MYO18B: variants seen among roughly 807,000 people sequenced by gnomAD.
The protein encoded by MYO18B is myosin XVIIIB.
In MYO18B, 204 loss-of-function variants were observed where a neutral mutation model predicts 273.0. That is an observed-to-expected ratio of 0.75 (90% confidence interval 0.67 to 0.84). The LOEUF is 0.84. Among genes scored for constraint, MYO18B ranks in the 40% least tolerant of loss-of-function variants. MYO18B has a pLI of 0.00. For missense variants in MYO18B, 3,212 were observed against 3,287.6 expected (o/e 0.98, Z 0.56); for synonymous variants, 1,330 against 1,305.7 (o/e 1.02, Z -0.40).
the MYO18B span, among the ~76,000 whole-genome samples, chr22:26,043,238 GT>G: frequency 0.016 from 2,420 of 151,850 alleles, 68 homozygotes; most frequent in African/African-American, 0.056. Context: ...TCAGTAGTTT[GT>G]TTTTTTTATT....
chr22:25,747,858 G>A (rs1392806231), intron 1 of MYO18B, among the ~76,000 whole-genome samples: 1 of 152,152 alleles, frequency 6.6e-6, no homozygotes, highest in Non-Finnish European at 1.5e-5. Flanking sequence ...CCGTGAAGTG[G>A]GTGAGAAAAA....
intron 34 of MYO18B, among the ~76,000 whole-genome samples, chr22:25,945,400 A>G (rs2092692323): frequency 6.6e-6 from 1 of 151,982 alleles, no homozygotes; most frequent in African/African-American, 2.4e-5. Context: ...GGCCAGCTTG[A>G]TTGTTCCCTG....
the MYO18B span, among the ~76,000 whole-genome samples, chr22:26,060,888 CAT>C: frequency 7.8e-5 from 8 of 102,150 alleles, no homozygotes; most frequent in Admixed American, 6.1e-4. Context: ...TACATATACA[CAT>C]ATACACACAT....
At chr22:25,991,556 C>T (rs1330800062) in intron 39 of MYO18B, among the ~76,000 whole-genome samples, 1 of 152,088 alleles carries the variant, frequency 6.6e-6, no homozygotes, top group Non-Finnish European at 1.5e-5. Context: ...AGAGATTTTC[C>T]CAAGAGTCCA....
chr22:25,968,999 G>T (rs1201381852), intron 39 of MYO18B, among the ~76,000 whole-genome samples: 1 of 152,120 alleles, frequency 6.6e-6, no homozygotes, highest in Non-Finnish European at 1.5e-5. Flanking sequence ...AGGTGCCCAG[G>T]CCTCTTCATT....
rs753134292 is a variant in MYO18B at position 25,777,635 on chromosome 22, A to C, written c.1922A>C (p.Gln641Pro). ...CCTGCCCACATTGGCTCCATGGCAC[A>C]GCGGGCATACTGGGCGCTGCTGAAC... ...GLPAHIGSMAQRAYWALLNQR... is the reference protein window; with the variant it reads ...GLPAHIGSMAPRAYWALLNQR... Residue 641 changes from glutamine to proline, a missense_variant, in exon 8 of 44, where the codon CAG becomes CCG. Gln to Pro is a moderately conservative substitution (Grantham distance 76). Coordinates refer to ENST00000335473, the MANE Select transcript of MYO18B (RefSeq NM_032608.7). The C allele has an allele frequency of 3.1e-6, 5 of 1,611,414 alleles. No individual in the cohort carries two copies. Among genetic ancestry groups the C allele is most frequent in the Non-Finnish European group, 4.2e-6 (5 of 1,178,686 alleles).
the MYO18B span, among the ~76,000 whole-genome samples, chr22:26,048,136 G>A: frequency 2.6e-5 from 4 of 152,100 alleles, no homozygotes; most frequent in South Asian, 2.1e-4. Flanking sequence ...TGCATCACAC[G>A]TTGTACTGTA....
At position 25,817,278 on chromosome 22, in the gene MYO18B, GTC is replaced by G. The variant is rs374508544; in HGVS notation, c.2522-6221_2522-6220del. 5.1e-4 allele frequency among the ~76,000 whole-genome samples: 70 copies of G among 138,574 alleles called. 1 individual carries two copies. The East Asian group carries it at 0.013, about 26-fold the overall frequency. 90.9% of individuals were successfully genotyped at this position (138,574 alleles called of 152,430 possible). ...TCTTCTTTTTCTTTTTCTTCTCTTT[GTC>G]TCTCTTTCTGTCTCTTTCTCTCTCT... On this transcript the variant is annotated intron_variant, in intron 12 of 43. Transcript: ENST00000335473.
the MYO18B span, among the ~76,000 whole-genome samples, chr22:26,057,760 A>G: frequency 5.3e-5 from 8 of 152,292 alleles, no homozygotes; most frequent in Admixed American, 3.3e-4. Flanking sequence ...GAGGGCTAGA[A>G]ACTTGCTCAG....
intron 18 of MYO18B, among the ~76,000 whole-genome samples, chr22:25,845,532 A>G (rs1301945737): frequency 2.0e-5 from 3 of 152,100 alleles, no homozygotes; most frequent in Admixed American, 6.5e-5. Flanking sequence ...ACCAACAACA[A>G]CAACAACAAA....
In MYO18B at chr22:26,002,709, A is replaced by G. The variant is rs139541741; in HGVS notation, c.6288-556A>G. 7.5e-4 allele frequency among the ~76,000 whole-genome samples: 114 copies of G among 152,304 alleles called. 1 individual carries two copies. Among genetic ancestry groups the G allele is most frequent in the African/African-American group, 2.6e-3 (109 of 41,568 alleles). ...CAAAAGCTGTGTGACTTAGACAAGT[A>G]TGTCAGGTTCCTAATCTCTAAAATG... On this transcript the variant is annotated intron_variant, in intron 40 of 43. Coordinates refer to ENST00000335473, the MANE Select transcript of MYO18B (RefSeq NM_032608.7).
intron 43 of MYO18B, among the ~76,000 whole-genome samples, chr22:26,029,189 C>T (rs953631401): frequency 1.3e-5 from 2 of 152,142 alleles, no homozygotes; most frequent in African/African-American, 4.8e-5. Flanking sequence ...TATGAGCCTT[C>T]GTAAATCTCC....
At chr22:25,800,462 A>G (rs1229349953) in intron 12 of MYO18B, among the ~76,000 whole-genome samples, 1 of 152,232 alleles carries the variant, frequency 6.6e-6, no homozygotes. Flanking sequence ...AGACCCTTAG[A>G]CAGAGATGTG....
chr22:25,979,754 C>A (rs1170937969), intron 39 of MYO18B, among the ~76,000 whole-genome samples: 1 of 152,078 alleles, frequency 6.6e-6, no homozygotes, highest in Non-Finnish European at 1.5e-5. Flanking sequence ...CTGAAAAACC[C>A]AAGGTAGAGT....
intron 39 of MYO18B, among the ~76,000 whole-genome samples, chr22:25,974,847 G>A (rs779791704): frequency 1.3e-5 from 2 of 152,206 alleles, no homozygotes; most frequent in Non-Finnish European, 2.9e-5. Flanking sequence ...GATTGGTTCA[G>A]TCCACTGTCT....
chr22:25,886,635 A>G (rs1183891694), intron 25 of MYO18B, among the ~76,000 whole-genome samples: 1 of 151,982 alleles, frequency 6.6e-6, no homozygotes, highest in African/African-American at 2.4e-5. Flanking sequence ...TGGCTACTTA[A>G]TCTCAGCTCT....
intron 12 of MYO18B, among the ~76,000 whole-genome samples, chr22:25,804,029 CCA>C (rs1199798936): frequency 6.9e-6 from 1 of 145,848 alleles, no homozygotes; most frequent in Admixed American, 6.8e-5. Flanking sequence ...AGAGACTAAA[CCA>C]CAGAGGGAAT....
At chr22:25,863,332 A>C (rs114835063) in intron 21 of MYO18B, among the ~76,000 whole-genome samples, 1 of 152,180 alleles carries the variant, frequency 6.6e-6, no homozygotes, top group African/African-American at 2.4e-5. Flanking sequence ...ACCCACAAAG[A>C]TACTTTCTAC....
intron 1 of MYO18B, among the ~76,000 whole-genome samples, chr22:25,745,703 G>A (rs1311834014): frequency 8.4e-6 from 1 of 118,824 alleles, no homozygotes; most frequent in Non-Finnish European, 1.6e-5. Flanking sequence ...AATCGGCAAA[G>A]TGAGTTTACC....
Sources: gnomAD v4.1 joint callset for allele counts (sites outside exome capture counted in the v4.1 genomes callset) on GRCh38, gnomAD v4.1.1 for gene constraint, MANE v1.5 for transcripts, NCBI Gene and HGNC (gene_info 2026-07-23, HGNC 2026-07-21) for gene names.